The following RHOA variants were observed in gnomAD, a reference collection of about 807,000 sequenced individuals.
RHOA encodes ras homolog family member A, also known as transforming protein RhoA.
Under a neutral mutation model 17.5 loss-of-function variants are expected in RHOA, and 3 were observed. The ratio of observed to expected loss-of-function variants is 0.17; its 90% confidence interval spans 0.08 to 0.44. RHOA has a LOEUF of 0.44. Among genes scored for constraint, RHOA ranks in the 20% least tolerant of loss-of-function variants. The probability of loss-of-function intolerance (pLI) is 0.99; values close to 1 mark genes in which losing one functional copy is unlikely to be tolerated. For missense variants in RHOA, 56 were observed against 242.3 expected, an observed-to-expected ratio of 0.23 and a Z score of 5.10; for synonymous variants, 98 against 88.4, an observed-to-expected ratio of 1.11 and a Z score of -0.61.
intron 1 of RHOA, among the ~76,000 whole-genome samples, chr3:49,384,680 G>GT (rs899546554): frequency 5.9e-5 from 9 of 151,590 alleles, no homozygotes; most frequent in East Asian, 1.9e-4. Flanking sequence ...TAATTTTTGT[G>GT]TTTTTTTTGT....
intron 1 of RHOA, among the ~76,000 whole-genome samples, chr3:49,392,241 G>T (rs938761934): frequency 2.0e-5 from 3 of 152,138 alleles, no homozygotes; most frequent in African/African-American, 7.2e-5. Flanking sequence ...AGACCAGCCT[G>T]GGCAATACAG....
chr3:49,359,831 A>G lies in RHOA; in HGVS notation c.*378T>C, dbSNP rs2047930420. ...AAGCCCTGAAGTGGTGACTCACCAGAGTACCTTGCAGCTGACAGATAATAG... is the reference window on the plus strand; with the variant it reads ...AAGCCCTGAAGTGGTGACTCACCAGGGTACCTTGCAGCTGACAGATAATAG... On this transcript the variant is annotated 3_prime_UTR_variant, in exon 5 of 5. Coordinates refer to ENST00000418115, the MANE Select transcript of RHOA (RefSeq NM_001664.4). 1 of 251,280 alleles carries G rather than the reference A, an allele frequency of 4.0e-6. No homozygotes were observed. Among genetic ancestry groups the G allele is most frequent in the East Asian group, 5.9e-5 (1 of 16,888 alleles). 15.6% of individuals were successfully genotyped at this position (251,280 alleles called of 1,614,324 possible).
At chr3:49,400,811 C>T (rs1292254379) in intron 1 of RHOA, among the ~76,000 whole-genome samples, 6 of 151,070 alleles carry the variant, frequency 4.0e-5, no homozygotes, top group African/African-American at 9.7e-5. Flanking sequence ...TTTGGGAGGC[C>T]GAGGCGGGCG....
chr3:49,378,646 T>C (rs2048271117), intron 1 of RHOA, among the ~76,000 whole-genome samples: 1 of 152,172 alleles, frequency 6.6e-6, no homozygotes, highest in African/African-American at 2.4e-5. Flanking sequence ...TCACCAAGGC[T>C]GGAATGCAGT....
At chr3:49,411,331 T>C (rs983843756) in intron 1 of RHOA, among the ~76,000 whole-genome samples, 4 of 152,256 alleles carry the variant, frequency 2.6e-5, no homozygotes, top group Admixed American at 2.6e-4. Context: ...ACCCAAAGTG[T>C]AACTGGACTT....
intron 1 of RHOA, among the ~76,000 whole-genome samples, chr3:49,384,548 C>T (rs545057607): frequency 8.6e-5 from 13 of 151,680 alleles, no homozygotes; most frequent in African/African-American, 3.1e-4. Context: ...TCACTGTCAT[C>T]CAGGCTGGAG....
chr3:49,411,137 TTG>T (rs2048926664), intron 1 of RHOA, among the ~76,000 whole-genome samples: 1 of 152,176 alleles, frequency 6.6e-6, no homozygotes, highest in Non-Finnish European at 1.5e-5. Flanking sequence ...ATTTACAGTT[TTG>T]TGTGTTGTTT....
intron 1 of RHOA, among the ~76,000 whole-genome samples, chr3:49,398,306 T>A (rs1340242724): frequency 6.6e-6 from 1 of 151,276 alleles, no homozygotes; most frequent in African/African-American, 2.4e-5. Flanking sequence ...AGCCTTGAGA[T>A]CGCACCACTG....
chr3:49,362,703 G>A (rs910270643), intron 3 of RHOA, 77 bp from the exon 4 acceptor site: 5 of 1,225,406 alleles, frequency 4.1e-6, no homozygotes, highest in Non-Finnish European at 5.7e-6. Context: ...CAGTGAAATT[G>A]CAGAGACACT....
intron 3 of RHOA, 122 bp downstream of exon 3, chr3:49,368,306 G>A (rs2048091753): frequency 8.0e-6 from 10 of 1,250,912 alleles, no homozygotes; most frequent in Non-Finnish European, 9.1e-6. Flanking sequence ...CCAGGACTCC[G>A]GCCACTGACG....
chr3:49,391,162 G>A (rs902207607), intron 1 of RHOA, among the ~76,000 whole-genome samples: 5 of 150,582 alleles, frequency 3.3e-5, no homozygotes, highest in Non-Finnish European at 5.9e-5. Flanking sequence ...AGGTTGCAGT[G>A]AGCCGAGATC....
At chr3:49,360,471 T>A in intron 4 of RHOA, 89 bp from the exon 5 acceptor site, 2 of 1,405,910 alleles carry the variant, frequency 1.4e-6, no homozygotes, top group African/African-American at 1.5e-5. Flanking sequence ...TAAAAGATTT[T>A]TTTTTCTTTT....
Position 49,370,625 on chromosome 3 carries a change from TGA to T in RHOA, c.157-2079_157-2078del, listed in dbSNP as rs201302035. Among the ~76,000 whole-genome samples the T allele has an allele frequency of 9.7e-3, 1,472 of 152,252 alleles. 28 individuals are homozygous for T. The highest frequency in any genetic ancestry group is 0.032 in the African/African-American group (1,331 of 41,544). On this transcript the variant is annotated intron_variant, in intron 2 of 4. Transcript: ENST00000418115. The stretch of plus-strand genomic sequence containing the variant: ...GTCTGAAATAATGCATCACGTAAGG[TGA>T]GAGAGTACTCCTTTCACATCCGGGT...
chr3:49,390,671 G>A lies in RHOA; in HGVS notation c.-2-15080C>T, dbSNP rs538969048. Among the ~76,000 whole-genome samples the A allele has an allele frequency of 7.2e-5, 11 of 152,306 alleles. No homozygotes were observed. In the East Asian group the frequency reaches 1.2e-3, roughly 16 times the overall value. On this transcript the variant is annotated intron_variant, in intron 1 of 4. Coordinates refer to ENST00000418115, the MANE Select transcript of RHOA (RefSeq NM_001664.4). ...AACAAAAGTTGGACTGGAAAAACAC[G>A]TGGCTTAATCCTCTGTCTAATATTC...
At chr3:49,370,774 T>C (rs963719259) in intron 2 of RHOA, among the ~76,000 whole-genome samples, 2 of 152,140 alleles carry the variant, frequency 1.3e-5, no homozygotes, top group African/African-American at 4.8e-5. Flanking sequence ...CCAGACTCCA[T>C]GTTAAACATC....
intron 1 of RHOA, among the ~76,000 whole-genome samples, chr3:49,409,843 CA>C (rs35100510): frequency 6.6e-6 from 1 of 152,172 alleles, no homozygotes; most frequent in South Asian, 2.1e-4. Context: ...CGCAGTACCC[CA>C]AATCAACAGT....
chr3:49,391,343 G>A (rs1407419020), intron 1 of RHOA, among the ~76,000 whole-genome samples: 1 of 149,298 alleles, frequency 6.7e-6, no homozygotes, highest in African/African-American at 2.5e-5. Flanking sequence ...AGTGAGCCAA[G>A]ATCACACCAC....
chr3:49,402,025 A>G (rs1003587992), intron 1 of RHOA, among the ~76,000 whole-genome samples: 7 of 152,222 alleles, frequency 4.6e-5, no homozygotes, highest in African/African-American at 1.7e-4. Flanking sequence ...CATGGTGGTA[A>G]GCAATGAAGA....
At chr3:49,411,717 C>G (rs1184861542) in intron 1 of RHOA, 103 bp downstream of exon 1, 1 of 152,084 alleles carries the variant, frequency 6.6e-6, no homozygotes, top group Middle Eastern at 3.4e-3. Flanking sequence ...CACGAGCAGC[C>G]GGTGGGGCGC....
Sources: gnomAD v4.1 joint callset for allele counts (sites outside exome capture counted in the v4.1 genomes callset) on GRCh38, gnomAD v4.1.1 for gene constraint, MANE v1.5 for transcripts, NCBI Gene and HGNC (gene_info 2026-07-23, HGNC 2026-07-21) for gene names.